Variants in PHIP observed in about 807,000 individuals in gnomAD.
The protein encoded by PHIP is PHIP subunit of CUL4-Ring ligase complex, also known as PH-interacting protein.
Under a neutral mutation model 236.8 loss-of-function variants are expected in PHIP, and 54 were observed. The observed-to-expected ratio is 0.23, with a 90% CI of 0.18 to 0.29. The LOEUF (loss-of-function observed/expected upper bound fraction) is 0.29, where lower values mean the gene tolerates loss of function less well. PHIP is among the 10% of genes least tolerant of loss of function. The pLI is 1.00. For synonymous variants in PHIP, 756 were observed against 718.9 expected (o/e 1.05, Z -0.83); for missense variants, 1,370 against 2,190.8 (o/e 0.63, Z 7.48).
rs145290877 is a variant in PHIP, at chr6:78,969,893, T to G, written c.3147A>C (p.Ile1049=). ...TMKYHDMPDV[I]DFLVLRQQFD... Reference sequence around the variant, plus strand: ...ATTGTTGTCTCAAGACTAGGAAATCTATAACGTCAGGCATATCATGGTATC... The same window carrying G: ...ATTGTTGTCTCAAGACTAGGAAATCGATAACGTCAGGCATATCATGGTATC... The change falls in exon 27 of 40, where the codon ATA becomes ATC. Residue 1049 remains isoleucine, a synonymous_variant. Transcript: ENST00000275034. 75 of 1,601,502 alleles carry G rather than the reference T, an allele frequency of 4.7e-5. No homozygotes were observed. In the African/African-American group the frequency reaches 8.4e-4, roughly 18 times the overall value.
chr6:79,008,529 T>C (rs1406266446), intron 15 of PHIP, among the ~76,000 whole-genome samples: 4 of 152,124 alleles, frequency 2.6e-5, no homozygotes, highest in Admixed American at 2.6e-4. Context: ...TTGAGGCTTA[T>C]TTTCTTTTGG....
At chr6:78,949,748 G>C (rs1054053518) in intron 35 of PHIP, among the ~76,000 whole-genome samples, 5 of 151,888 alleles carry the variant, frequency 3.3e-5, no homozygotes, top group African/African-American at 1.2e-4. Flanking sequence ...GAGTTCAGTG[G>C]TATCATCTTG....
intron 20 of PHIP, among the ~76,000 whole-genome samples, chr6:78,990,628 T>A (rs1413406125): frequency 6.6e-6 from 1 of 152,180 alleles, no homozygotes; most frequent in Non-Finnish European, 1.5e-5. Context: ...CAGTGTAATT[T>A]ATTAGAATTT....
At chr6:79,051,179 C>A (rs1772775647) in intron 6 of PHIP, among the ~76,000 whole-genome samples, 1 of 152,098 alleles carries the variant, frequency 6.6e-6, no homozygotes, top group Non-Finnish European at 1.5e-5. Context: ...GGAAATTATT[C>A]AACACAGGTT....
At chr6:79,076,128 G>A (rs1462344224) in intron 4 of PHIP, among the ~76,000 whole-genome samples, 1 of 152,090 alleles carries the variant, frequency 6.6e-6, no homozygotes, top group African/African-American at 2.4e-5. Flanking sequence ...CAGTACCCTT[G>A]CTTATTTCAA....
At chr6:79,025,824 T>A in intron 8 of PHIP, 119 bp downstream of exon 8, 1 of 789,634 alleles carries the variant, frequency 1.3e-6, no homozygotes, top group Non-Finnish European at 2.1e-6. Context: ...TATACTGGAT[T>A]ATAAAGGTGA....
intron 15 of PHIP, among the ~76,000 whole-genome samples, chr6:79,013,202 G>A (rs1295020474): frequency 2.6e-5 from 4 of 151,702 alleles, no homozygotes; most frequent in Non-Finnish European, 4.4e-5. Flanking sequence ...AGGTTTTCAT[G>A]AGACCCAAAG....
chr6:78,993,609 G>A (rs1769413836), intron 19 of PHIP, among the ~76,000 whole-genome samples: 1 of 152,156 alleles, frequency 6.6e-6, no homozygotes, highest in African/African-American at 2.4e-5. Flanking sequence ...AAACAACAAA[G>A]TCTAGATGGC....
chr6:78,988,702 T>C (rs566763093), intron 20 of PHIP, among the ~76,000 whole-genome samples: 2 of 152,302 alleles, frequency 1.3e-5, no homozygotes, highest in Admixed American at 6.5e-5. Flanking sequence ...TATGCTGATA[T>C]TTACTTGCTG....
chr6:79,025,736 A>C, intron 8 of PHIP, 117 bp from the exon 9 acceptor site: 1 of 749,180 alleles, frequency 1.3e-6, no homozygotes, highest in South Asian at 1.7e-5. Context: ...GCAAGAATTT[A>C]CCAAGGTTAT....
At chr6:78,974,387 G>A (rs559809560) in intron 24 of PHIP, among the ~76,000 whole-genome samples, 88 of 151,596 alleles carry the variant, frequency 5.8e-4, no homozygotes, top group Non-Finnish European at 1.1e-3. Flanking sequence ...GTGTGTAGAG[G>A]GAAATTTATA....
At position 78,938,803 on chromosome 6, in the gene PHIP, G is replaced by T. The variant is rs1392456556; in HGVS notation, c.*1890C>A. On this transcript the variant is annotated 3_prime_UTR_variant, in exon 40 of 40. Transcript: ENST00000275034. ...AAATGGTTTACTTAATTTCACAGGA[G>T]AATTTCTGTACAAATTTAGTTACAA... 6.6e-6 allele frequency: 1 copy of T among 151,628 alleles called. No individual in the cohort carries two copies. The highest frequency in any genetic ancestry group is 1.9e-4 in the East Asian group (1 of 5,196). The allele number at this position is 151,628 out of a possible 1,614,324, so 9.4% of individuals were successfully genotyped here.
At chr6:78,982,538 A>G (rs1278573583) in intron 23 of PHIP, among the ~76,000 whole-genome samples, 1 of 152,082 alleles carries the variant, frequency 6.6e-6, no homozygotes, top group Non-Finnish European at 1.5e-5. Flanking sequence ...ATGGTTAAAC[A>G]TAAAGGCAAT....
rs144281250 is a variant in PHIP, at chr6:79,050,445, G to A, written c.440-7442C>T. Among the ~76,000 whole-genome samples the A allele has an allele frequency of 2.6e-4, 40 of 152,262 alleles. 1 individual carries two copies. The East Asian group carries it at 6.6e-3, about 25-fold the overall frequency. ...GAGGTGAAGCCCAGGTTTAAACTCA[G>A]GCAGTCTGGTGCCAAAGACTGTACC... On this transcript the variant is annotated intron_variant, in intron 6 of 39. Coordinates refer to ENST00000275034, the MANE Select transcript of PHIP (RefSeq NM_017934.7).
intron 6 of PHIP, among the ~76,000 whole-genome samples, chr6:79,048,712 A>C (rs572683541): frequency 5.9e-5 from 9 of 152,320 alleles, no homozygotes; most frequent in African/African-American, 2.2e-4. Flanking sequence ...ACAATATAAT[A>C]TGCTATATAA....
intron 4 of PHIP, among the ~76,000 whole-genome samples, chr6:79,075,486 T>C (rs528310797): frequency 6.6e-6 from 1 of 152,154 alleles, no homozygotes; most frequent in South Asian, 2.1e-4. Context: ...ATTTTGAGCA[T>C]AATACATAGA....
Position 78,958,601 on chromosome 6 carries a change from C to CT in PHIP, c.3657-2dup, listed in dbSNP as rs1375718579. On this transcript the variant is annotated splice_acceptor_variant, in intron 31 of 39. Transcript: ENST00000275034. LOFTEE classifies it high-confidence loss of function. ...TTCCCACATTAGGGAAGAAACCCGC[C>CT]TTAAAAAAACAAAATATAGAAGTTT... 22 of 1,541,700 alleles carry CT rather than the reference C, an allele frequency of 1.4e-5. No homozygotes were observed. Among genetic ancestry groups the CT allele is most frequent in the Non-Finnish European group, 2.0e-5 (22 of 1,122,848 alleles).
intron 39 of PHIP, among the ~76,000 whole-genome samples, chr6:78,941,580 A>G (rs543692612): frequency 6.6e-6 from 1 of 152,350 alleles, no homozygotes; most frequent in South Asian, 2.1e-4. Context: ...TGACTTATCT[A>G]AGTTAACATT....
Position 78,935,608 on chromosome 6 carries a change from TA to T in PHIP, c.*5084del. On this transcript the variant is annotated 3_prime_UTR_variant, in exon 40 of 40. Transcript: ENST00000275034. ...AAAATTGTTTTATTAAATGTACACA[TA>T]AAAAGGCATATAAGTTTTTGACCTT... 1.0e-6 allele frequency: 1 copy of T among 979,828 alleles called. No individual in the cohort carries two copies. Among genetic ancestry groups the T allele is most frequent in the Non-Finnish European group, 1.2e-6 (1 of 824,820 alleles). 60.7% of individuals were successfully genotyped at this position (979,828 alleles called of 1,614,324 possible).
Sources: allele counts gnomAD v4.1 joint callset (sites outside exome capture counted in the v4.1 genomes callset), GRCh38; gene constraint gnomAD v4.1.1; transcripts MANE v1.5; gene names NCBI Gene and HGNC (gene_info 2026-07-23, HGNC 2026-07-21).